Variants in RNF128 observed in about 807,000 individuals in gnomAD.
The protein encoded by RNF128 is E3 ubiquitin-protein ligase RNF128.
In RNF128, 13 loss-of-function variants were observed where a neutral mutation model predicts 26.2. The observed-to-expected ratio is 0.50, with a 90% confidence interval of 0.32 to 0.79. The LOEUF is 0.79. Ranked by LOEUF, RNF128 falls within the 30% of genes least tolerant of loss-of-function variation. The probability of loss-of-function intolerance (pLI) is 0.03; values close to 1 mark genes in which losing one functional copy is unlikely to be tolerated. For missense variants in RNF128, 315 were observed against 349.7 expected, an observed-to-expected ratio of 0.90 and a Z score of 0.79; for synonymous variants, 149 against 142.5, an observed-to-expected ratio of 1.05 and a Z score of -0.32.
intron 1 of RNF128, among the ~76,000 whole-genome samples, chrX:106,770,499 G>T: frequency 9.1e-6 from 1 of 109,768 alleles, no homozygotes; most frequent in South Asian, 3.9e-4. Flanking sequence ...TCATTCATTT[G>T]ATCTTCAATC....
intron 1 of RNF128, among the ~76,000 whole-genome samples, chrX:106,705,072 G>A (rs1396778221): frequency 9.0e-6 from 1 of 111,646 alleles, no homozygotes; most frequent in African/African-American, 3.3e-5. Context: ...CAGGGATGGA[G>A]AAGCATGTCA....
At chrX:106,770,692 A>G (rs1377809894) in intron 1 of RNF128, among the ~76,000 whole-genome samples, 1 of 111,573 alleles carries the variant, frequency 9.0e-6, no homozygotes, top group Non-Finnish European at 1.9e-5. Flanking sequence ...ATGGGTTCGA[A>G]CATCCTCCTT....
upstream of RNF128, among the ~76,000 whole-genome samples, chrX:106,722,331 C>A (rs1414523055): frequency 9.0e-6 from 1 of 111,114 alleles, no homozygotes; most frequent in Non-Finnish European, 1.9e-5. Flanking sequence ...CCTAGGGCTC[C>A]TCAAACATAT....
intron 1 of RNF128, among the ~76,000 whole-genome samples, chrX:106,769,584 T>G (rs528655963): frequency 4.1e-5 from 4 of 98,316 alleles, no homozygotes; most frequent in African/African-American, 1.1e-4. Context: ...TTGCTTGGTA[T>G]ATCTTCCTCC....
intron 1 of RNF128, among the ~76,000 whole-genome samples, chrX:106,743,725 T>C (rs1162598585): frequency 8.9e-6 from 1 of 112,064 alleles, no homozygotes; most frequent in Non-Finnish European, 1.9e-5. Context: ...CTTCTTGTGC[T>C]TATTTGACCC....
At chrX:106,770,482 C>T (rs901637656) in intron 1 of RNF128, among the ~76,000 whole-genome samples, 1 of 111,075 alleles carries the variant, frequency 9.0e-6, no homozygotes, top group Non-Finnish European at 1.9e-5. Flanking sequence ...TCTCTTCTTG[C>T]TTCATTTCAT....
intron 3 of RNF128, among the ~76,000 whole-genome samples, chrX:106,787,415 G>C (rs1280595686): frequency 9.0e-6 from 1 of 110,959 alleles, no homozygotes. Context: ...AAACAGATCA[G>C]TGGTTGCCAG....
intron 3 of RNF128, among the ~76,000 whole-genome samples, chrX:106,787,293 A>G (rs1342973690): frequency 8.9e-6 from 1 of 111,778 alleles, no homozygotes; most frequent in Non-Finnish European, 1.9e-5. Context: ...TGATACATAC[A>G]GCATTATGGA....
intron 4 of RNF128, among the ~76,000 whole-genome samples, chrX:106,788,692 A>T (rs1350127306): frequency 1.5e-5 from 1 of 67,763 alleles, no homozygotes; most frequent in African/African-American, 6.2e-5. Context: ...ATATATAGTT[A>T]TATATAAATA....
At chrX:106,782,029 A>G (rs1930575084) in intron 2 of RNF128, among the ~76,000 whole-genome samples, 1 of 112,513 alleles carries the variant, frequency 8.9e-6, no homozygotes, top group East Asian at 2.8e-4. Flanking sequence ...TATATTTGGC[A>G]TTAATGCCTA....
At chrX:106,744,378 C>T (rs1211405901) in intron 1 of RNF128, among the ~76,000 whole-genome samples, 1 of 111,934 alleles carries the variant, frequency 8.9e-6, no homozygotes, top group East Asian at 2.8e-4. Context: ...AAATGAAAAA[C>T]AATGCCACTC....
intron 1 of RNF128, among the ~76,000 whole-genome samples, chrX:106,771,806 G>A (rs181564468): frequency 1.2e-4 from 14 of 112,565 alleles, no homozygotes; most frequent in East Asian, 5.6e-4. Context: ...GAAATCACCC[G>A]TCTTCTGCAT....
intron 1 of RNF128, among the ~76,000 whole-genome samples, chrX:106,728,254 AAAAG>A (rs991309413): frequency 9.0e-6 from 1 of 111,624 alleles, no homozygotes; most frequent in African/African-American, 3.3e-5. Flanking sequence ...AAAATGGAGA[AAAAG>A]AAAGAGACAC....
At chrX:106,782,348 G>C (rs1291316488) in intron 2 of RNF128, among the ~76,000 whole-genome samples, 1 of 111,887 alleles carries the variant, frequency 8.9e-6, no homozygotes, top group East Asian at 2.8e-4. Context: ...ATGTCCAACT[G>C]ACTCATGATC....
At chrX:106,733,488 G>A (rs925877853) in intron 1 of RNF128, among the ~76,000 whole-genome samples, 1 of 111,190 alleles carries the variant, frequency 9.0e-6, no homozygotes, top group Non-Finnish European at 1.9e-5. Context: ...ACAGAAAAGT[G>A]TAAAACTAAA....
chrX:106,704,082 A>G (rs367592609), intron 1 of RNF128, among the ~76,000 whole-genome samples: 40 of 109,866 alleles, frequency 3.6e-4, no homozygotes, highest in African/African-American at 1.3e-3. Flanking sequence ...GAGGAAGGTA[A>G]TAGAGGTTAT....
rs1431714409 is a variant in RNF128, at chrX:106,705,895, C to T, written c.406+11487C>T. Among the ~76,000 whole-genome samples the T allele has an allele frequency of 2.7e-5, 3 of 111,878 alleles. No individual in the cohort carries two copies. The Admixed American group carries it at 2.8e-4, about 11-fold the overall frequency. On this transcript the variant is annotated intron_variant, in intron 1 of 6. Coordinates refer to the RNF128 transcript ENST00000324342. ...TTACCAAAGGGCTTTGTGAGGACTC[C>T]TTGGAGCAGAACTCAGAGAGAGGTG... is the stretch of plus-strand genomic sequence containing the variant.
intron 1 of RNF128, among the ~76,000 whole-genome samples, chrX:106,770,160 C>T (rs1229829549): frequency 8.9e-6 from 1 of 111,781 alleles, no homozygotes; most frequent in Non-Finnish European, 1.9e-5. Flanking sequence ...CGACCTTTCT[C>T]TCTGGCTGCC....
chrX:106,764,697 A>C (rs1244210660), intron 1 of RNF128, among the ~76,000 whole-genome samples: 1 of 111,773 alleles, frequency 8.9e-6, no homozygotes, highest in East Asian at 2.8e-4. Flanking sequence ...ACAACAACAA[A>C]AACCAACTTA....
Sources: gnomAD v4.1 joint callset for allele counts (sites outside exome capture counted in the v4.1 genomes callset) on GRCh38, gnomAD v4.1.1 for gene constraint, MANE v1.5 for transcripts, NCBI Gene and HGNC (gene_info 2026-07-23, HGNC 2026-07-21) for gene names.